Variants in PDZRN4 observed in about 807,000 individuals in gnomAD.
PDZRN4 encodes PDZ domain containing ring finger 4.
Under a neutral mutation model 99.0 loss-of-function variants are expected in PDZRN4, and 70 were observed. That is an observed-to-expected ratio of 0.71 (90% CI 0.58 to 0.86). The LOEUF (loss-of-function observed/expected upper bound fraction) is 0.86. Ranked by LOEUF, PDZRN4 falls within the 40% of genes least tolerant of loss-of-function variation. The pLI is 0.00. For missense variants in PDZRN4, 1,474 were observed against 1,331.2 expected (o/e 1.11, Z -1.67); for synonymous variants, 551 against 501.6 (o/e 1.10, Z -1.32).
intron 3 of PDZRN4, among the ~76,000 whole-genome samples, chr12:41,300,551 G>A (rs537075670): frequency 1.2e-4 from 18 of 151,808 alleles, no homozygotes; most frequent in Non-Finnish European, 2.2e-4. Flanking sequence ...ATAATATGTA[G>A]GTTTTATTTT....
intron 3 of PDZRN4, among the ~76,000 whole-genome samples, chr12:41,296,530 C>G (rs1005858724): frequency 6.6e-6 from 1 of 152,162 alleles, no homozygotes; most frequent in Admixed American, 6.6e-5. Flanking sequence ...GAATCCTTCT[C>G]TACCATGACA....
At chr12:41,361,811 C>T (rs1205021517) in intron 3 of PDZRN4, among the ~76,000 whole-genome samples, 2 of 151,994 alleles carry the variant, frequency 1.3e-5, no homozygotes, top group Non-Finnish European at 1.5e-5. Flanking sequence ...AGGGGCAACA[C>T]GTTTCTTCTG....
chr12:41,506,546 A>G lies in PDZRN4; in HGVS notation c.934A>G (p.Arg312Gly), dbSNP rs753561493. ...GGAGCCCATTGTGGTGCAGGTGTTA[A>G]GGCGAACACCTCTTAGTAGACCAGC... ...AKEPIVVQVL[R>G]RTPLSRPAYG... Residue 312 changes from arginine (R) to glycine (G), a missense_variant, in exon 4 of 10, where the codon AGG becomes GGG. Transcript: ENST00000402685. The G allele has an allele frequency of 3.6e-5, 58 of 1,613,646 alleles. No individual in the cohort carries two copies. Among genetic ancestry groups the G allele is most frequent in the East Asian group, 1.1e-4 (5 of 44,846 alleles).
intron 3 of PDZRN4, among the ~76,000 whole-genome samples, chr12:41,270,168 CAT>C (rs5797721): frequency 0.18 from 27,120 of 152,018 alleles, 2,900 homozygotes; most frequent in Non-Finnish European, 0.24. Context: ...CCCATCACCA[CAT>C]GTTATAAATT....
chr12:41,500,297 C>T (rs1938087831), intron 3 of PDZRN4, among the ~76,000 whole-genome samples: 2 of 151,934 alleles, frequency 1.3e-5, no homozygotes, highest in Admixed American at 6.6e-5. Flanking sequence ...AGGGAAGCTG[C>T]AACACCCTAT....
chr12:41,372,673 T>TG (rs1952050241), intron 3 of PDZRN4, among the ~76,000 whole-genome samples: 1 of 152,142 alleles, frequency 6.6e-6, no homozygotes, highest in Non-Finnish European at 1.5e-5. Context: ...GCTAAAATGT[T>TG]GACTGAGGAG....
At chr12:41,197,035 T>A (rs1191629812) in intron 3 of PDZRN4, among the ~76,000 whole-genome samples, 1 of 151,976 alleles carries the variant, frequency 6.6e-6, no homozygotes, top group Non-Finnish European at 1.5e-5. Flanking sequence ...TGCTTTGAAT[T>A]TACTGATATA....
chr12:41,404,389 A>G lies in PDZRN4; in HGVS notation c.844-102067A>G, dbSNP rs192036912. ...CGTCCAGGTTGAGAGTCAATTCAAAAACACAATCTCCTTTACAATAGCCAC... is the reference window on the plus strand; with the variant it reads ...CGTCCAGGTTGAGAGTCAATTCAAAGACACAATCTCCTTTACAATAGCCAC... On this transcript the variant is annotated intron_variant, in intron 3 of 9. Coordinates refer to ENST00000402685, the MANE Select transcript of PDZRN4 (RefSeq NM_001164595.2). Among the ~76,000 whole-genome samples, 12 of 152,236 alleles carry G rather than the reference A, an allele frequency of 7.9e-5. No homozygotes were observed. In the East Asian group the frequency reaches 2.3e-3, roughly 29 times the overall value.
chr12:41,354,315 A>C (rs1346387040), intron 3 of PDZRN4, among the ~76,000 whole-genome samples: 1 of 152,036 alleles, frequency 6.6e-6, no homozygotes, highest in South Asian at 2.1e-4. Flanking sequence ...TAACATATAG[A>C]CCACACATGG....
chr12:41,491,633 G>C (rs1401583377), intron 3 of PDZRN4, among the ~76,000 whole-genome samples: 1 of 152,142 alleles, frequency 6.6e-6, no homozygotes, highest in African/African-American at 2.4e-5. Flanking sequence ...GGATCACTGG[G>C]AGAGCCTGTG....
Position 41,188,336 on chromosome 12 carries a change from G to A in PDZRN4, c.-120G>A, listed in dbSNP as rs1454243059. The stretch of plus-strand genomic sequence containing the variant: ...AACAGTGAGATCACACCTCCCACCC[G>A]CCACCTCCCTCCACTGCCGCCGCCG... On this transcript the variant is annotated 5_prime_UTR_variant, in exon 1 of 10. Transcript: ENST00000402685. 6.7e-6 allele frequency: 6 copies of A among 900,936 alleles called. No individual in the cohort carries two copies. Among genetic ancestry groups the A allele is most frequent in the African/African-American group, 1.7e-5 (1 of 57,336 alleles). 55.8% of individuals were successfully genotyped at this position (900,936 alleles called of 1,614,324 possible).
Position 41,188,363 on chromosome 12 carries a change from G to C in PDZRN4, c.-93G>C. On this transcript the variant is annotated 5_prime_UTR_variant, in exon 1 of 10. Transcript: ENST00000402685. ...CACCTCCCTCCACTGCCGCCGCCGC[G>C]AGACGGCTGCCCCGGGGGTGGCCCG... is the stretch of plus-strand genomic sequence containing the variant. 1 of 1,259,684 alleles carries C rather than the reference G, an allele frequency of 7.9e-7. No homozygotes were observed. The highest frequency in any genetic ancestry group is 2.7e-5 in the East Asian group (1 of 36,630). 78.0% of individuals were successfully genotyped at this position (1,259,684 alleles called of 1,614,324 possible).
intron 5 of PDZRN4, among the ~76,000 whole-genome samples, chr12:41,522,177 A>C (rs907543281): frequency 3.3e-5 from 5 of 152,154 alleles, no homozygotes; most frequent in Admixed American, 3.3e-4. Flanking sequence ...ATTCAAAAGA[A>C]AACTGATTCC....
At chr12:41,352,056 A>G (rs1025261174) in intron 3 of PDZRN4, among the ~76,000 whole-genome samples, 2 of 152,056 alleles carry the variant, frequency 1.3e-5, no homozygotes, top group Non-Finnish European at 2.9e-5. Flanking sequence ...AATAAATAGC[A>G]TGAAAACTAA....
chr12:41,195,867 T>C (rs919194486), intron 3 of PDZRN4, among the ~76,000 whole-genome samples: 1 of 152,140 alleles, frequency 6.6e-6, no homozygotes, highest in African/African-American at 2.4e-5. Flanking sequence ...AGTTGTCCAG[T>C]TACCAATGGA....
chr12:41,506,741 C>T, intron 4 of PDZRN4, 29 bp downstream of exon 4: 2 of 1,576,986 alleles, frequency 1.3e-6, no homozygotes, highest in Non-Finnish European at 1.7e-6. Context: ...TTCCAAAGCC[C>T]TGTTTGTTTC....
At chr12:41,511,779 C>A (rs1264612836) in intron 5 of PDZRN4, among the ~76,000 whole-genome samples, 3 of 152,170 alleles carry the variant, frequency 2.0e-5, no homozygotes, top group African/African-American at 7.2e-5. Flanking sequence ...CATCAAACTG[C>A]AAAATCTAGT....
At chr12:41,539,313 T>C (rs561733905) in intron 5 of PDZRN4, among the ~76,000 whole-genome samples, 1 of 152,230 alleles carries the variant, frequency 6.6e-6, no homozygotes, top group Non-Finnish European at 1.5e-5. Flanking sequence ...CACTAAAGTT[T>C]AACATCAATA....
intron 5 of PDZRN4, among the ~76,000 whole-genome samples, chr12:41,550,036 T>C (rs930582988): frequency 6.6e-6 from 1 of 152,202 alleles, no homozygotes; most frequent in Admixed American, 6.5e-5. Flanking sequence ...TCCTCTGAGA[T>C]ACTTGGGTAA....
Sources: allele counts gnomAD v4.1 joint callset (sites outside exome capture counted in the v4.1 genomes callset), GRCh38; gene constraint gnomAD v4.1.1; transcripts MANE v1.5; gene names NCBI Gene and HGNC (gene_info 2026-07-23, HGNC 2026-07-21).